The following GNA14 variants were observed in gnomAD, a reference collection of about 807,000 sequenced individuals.
GNA14 encodes G protein subunit alpha 14, also known as guanine nucleotide-binding protein subunit alpha-14.
A neutral mutation model predicts 42.0 loss-of-function variants in GNA14; 50 were observed. The observed-to-expected ratio is 1.19, with a 90% CI of 0.95 to 1.51. The LOEUF (loss-of-function observed/expected upper bound fraction) is 1.51, where lower values mean the gene tolerates loss of function less well. Among genes scored for constraint, GNA14 ranks in the 40% most tolerant of loss-of-function variants. The pLI is 0.00. For synonymous variants in GNA14, 173 were observed against 163.1 expected (o/e 1.06, Z -0.46); for missense variants, 473 against 446.2 (o/e 1.06, Z -0.54).
chr9:77,453,127 A>G (rs1336300162), intron 2 of GNA14, among the ~76,000 whole-genome samples: 2 of 152,126 alleles, frequency 1.3e-5, no homozygotes, highest in African/African-American at 2.4e-5. Context: ...GTGACAGAGC[A>G]AGACCCTGTT....
In GNA14 at chr9:77,465,807, G is replaced by A. The variant is rs541461894; in HGVS notation, c.310-31285C>T. On this transcript the variant is annotated intron_variant, in intron 2 of 6. Coordinates refer to ENST00000341700, the MANE Select transcript of GNA14 (RefSeq NM_004297.4). ...TGTTTTATACAGACGGGGTCTTGCC[G>A]TGTTGCCCAGGCTGGTCTTGACCTC... Among the ~76,000 whole-genome samples, 23 of 152,170 alleles carry A rather than the reference G, an allele frequency of 1.5e-4. No individual in the cohort carries two copies. The East Asian group carries it at 2.5e-3, about 17-fold the overall frequency.
intron 2 of GNA14, among the ~76,000 whole-genome samples, chr9:77,528,851 G>C (rs1002011781): frequency 2.6e-5 from 4 of 152,128 alleles, no homozygotes; most frequent in Non-Finnish European, 4.4e-5. Flanking sequence ...TGGAATCCCT[G>C]CACACTGGGT....
At chr9:77,631,189 T>C (rs923097000) in intron 1 of GNA14, among the ~76,000 whole-genome samples, 6 of 152,180 alleles carry the variant, frequency 3.9e-5, no homozygotes, top group Non-Finnish European at 8.8e-5. Flanking sequence ...TACTTCCATC[T>C]TATGGTAAAA....
In GNA14 at chr9:77,424,092, C is replaced by G; in HGVS notation, c.955G>C (p.Val319Leu). The G allele has an allele frequency of 6.2e-7, 1 of 1,612,534 alleles. No homozygotes were observed. Among genetic ancestry groups the G allele is most frequent in the Non-Finnish European group, 8.5e-7 (1 of 1,178,878 alleles). Residue 319 changes from valine (V) to leucine (L), a missense_variant, in exon 7 of 7, where the codon GTC becomes CTC. Val to Leu is a conservative substitution (Grantham distance 32, BLOSUM62 1). Coordinates refer to ENST00000341700, the MANE Select transcript of GNA14 (RefSeq NM_004297.4). ...GCACATGTGAAGTGAGAGTAGATGA[C>G]TTTCTCTTTGTCAGGATTCTGATCT... ...YQDQNPDKEK[V>L]IYSHFTCATD... is the part of the protein sequence containing the mutation.
At chr9:77,628,490 C>T (rs879947030) in intron 1 of GNA14, among the ~76,000 whole-genome samples, 3 of 152,148 alleles carry the variant, frequency 2.0e-5, no homozygotes, top group Non-Finnish European at 4.4e-5. Context: ...TCAAACTATA[C>T]TACAAGGCTA....
chr9:77,520,895 A>T (rs1426889021), intron 2 of GNA14, among the ~76,000 whole-genome samples: 1 of 152,166 alleles, frequency 6.6e-6, no homozygotes, highest in African/African-American at 2.4e-5. Context: ...TGGTCAAATC[A>T]ATGTTATTAC....
chr9:77,481,036 G>T (rs1278774092), intron 2 of GNA14, among the ~76,000 whole-genome samples: 3 of 151,782 alleles, frequency 2.0e-5, no homozygotes, highest in African/African-American at 7.3e-5. Context: ...GGTTTTTTGT[G>T]TCTCTATTTC....
chr9:77,464,355 G>A (rs1202476302), intron 2 of GNA14, among the ~76,000 whole-genome samples: 2 of 115,586 alleles, frequency 1.7e-5, no homozygotes, highest in Non-Finnish European at 3.7e-5. Flanking sequence ...GTGTATATGT[G>A]TGTGTGTGTG....
At chr9:77,440,874 C>T (rs994596906) in intron 2 of GNA14, among the ~76,000 whole-genome samples, 6 of 152,060 alleles carry the variant, frequency 3.9e-5, no homozygotes, top group Admixed American at 3.9e-4. Context: ...CACCACCATG[C>T]CCGGCTAATT....
intron 2 of GNA14, among the ~76,000 whole-genome samples, chr9:77,504,935 G>A (rs1423083412): frequency 2.0e-5 from 3 of 151,966 alleles, no homozygotes; most frequent in African/African-American, 7.3e-5. Context: ...CAAAGTGCTG[G>A]GATTACAGGC....
intron 2 of GNA14, among the ~76,000 whole-genome samples, chr9:77,490,288 T>C (rs1299496347): frequency 6.6e-6 from 1 of 152,224 alleles, no homozygotes; most frequent in Non-Finnish European, 1.5e-5. Context: ...ACTCTCCACG[T>C]CCCTACCAGA....
intron 1 of GNA14, among the ~76,000 whole-genome samples, chr9:77,563,505 C>T (rs1165102231): frequency 2.0e-5 from 3 of 152,030 alleles, no homozygotes; most frequent in Admixed American, 1.3e-4. Flanking sequence ...AACTGCATTC[C>T]GAACCAATAT....
intron 2 of GNA14, among the ~76,000 whole-genome samples, chr9:77,477,175 G>A (rs1036475073): frequency 2.0e-5 from 3 of 152,078 alleles, no homozygotes; most frequent in Non-Finnish European, 4.4e-5. Context: ...GAGGCAACAT[G>A]GCGAAACCCT....
At chr9:77,579,439 T>C (rs1823180704) in intron 1 of GNA14, among the ~76,000 whole-genome samples, 2 of 152,130 alleles carry the variant, frequency 1.3e-5, no homozygotes. Context: ...CTGATACTGG[T>C]TCTGGTTTCA....
chr9:77,552,188 C>T, intron 1 of GNA14, among the ~76,000 whole-genome samples: 1 of 149,452 alleles, frequency 6.7e-6, no homozygotes, highest in Non-Finnish European at 1.5e-5. Context: ...ATCAATTATT[C>T]CCAAAAGTTC....
intron 1 of GNA14, among the ~76,000 whole-genome samples, chr9:77,604,435 G>A (rs1009656021): frequency 6.6e-6 from 1 of 152,204 alleles, no homozygotes; most frequent in African/African-American, 2.4e-5. Flanking sequence ...GGGATTCAGT[G>A]TTGGTCACGT....
intron 1 of GNA14, among the ~76,000 whole-genome samples, chr9:77,543,614 C>T (rs1160434071): frequency 2.0e-5 from 3 of 152,218 alleles, no homozygotes; most frequent in Admixed American, 2.0e-4. Flanking sequence ...TGGTAGAAAT[C>T]CCTTGCAGGA....
chr9:77,535,372 G>C (rs936576021), intron 1 of GNA14, among the ~76,000 whole-genome samples: 27 of 152,024 alleles, frequency 1.8e-4, no homozygotes, highest in African/African-American at 6.5e-4. Flanking sequence ...GTGAAACCCC[G>C]TCTCTACTAA....
chr9:77,637,017 T>C lies in GNA14; in HGVS notation c.124+10653A>G, dbSNP rs148333097. Among the ~76,000 whole-genome samples the C allele has an allele frequency of 1.1e-3, 163 of 152,328 alleles. 1 individual carries two copies. Among genetic ancestry groups the C allele is most frequent in the African/African-American group, 3.8e-3 (158 of 41,574 alleles). On this transcript the variant is annotated intron_variant, in intron 1 of 6. Coordinates refer to ENST00000341700, the MANE Select transcript of GNA14 (RefSeq NM_004297.4). Reference sequence around the variant, plus strand: ...ATCATTGCAGTTTTTAGGAGCACAGTTTTTTGAAGAGTACATGCAAGTACA... The same window carrying C: ...ATCATTGCAGTTTTTAGGAGCACAGCTTTTTGAAGAGTACATGCAAGTACA...
Sources: gnomAD v4.1 joint callset for allele counts (sites outside exome capture counted in the v4.1 genomes callset) on GRCh38, gnomAD v4.1.1 for gene constraint, MANE v1.5 for transcripts, NCBI Gene and HGNC (gene_info 2026-07-23, HGNC 2026-07-21) for gene names.